HYAL1: variants seen among roughly 807,000 people sequenced by gnomAD.
The protein encoded by HYAL1 is hyaluronidase-1.
In HYAL1, 21 loss-of-function variants were observed where a neutral mutation model predicts 28.8. The ratio of observed to expected loss-of-function variants is 0.73; its 90% CI spans 0.52 to 1.05. HYAL1 has a LOEUF of 1.05. HYAL1 is among the 50% of genes least tolerant of loss of function. HYAL1 has a pLI of 0.00. For synonymous variants in HYAL1, 200 were observed against 230.1 expected, an observed-to-expected ratio of 0.87 and a Z score of 1.18; for missense variants, 491 against 579.2, an observed-to-expected ratio of 0.85 and a Z score of 1.56.
upstream of HYAL1, among the ~76,000 whole-genome samples, chr3:50,306,881 C>T (rs1702342311): frequency 6.9e-6 from 1 of 145,758 alleles, no homozygotes; most frequent in African/African-American, 2.5e-5. Flanking sequence ...AGCAAGACTC[C>T]ATCTCAACAA....
At chr3:50,311,347 G>A (rs587728770) in intron 1 of HYAL1, among the ~76,000 whole-genome samples, 14 of 131,592 alleles carry the variant, frequency 1.1e-4, no homozygotes, top group Admixed American at 2.9e-4. Flanking sequence ...CGGACGGGGC[G>A]GCTGGCCGGG....
chr3:50,302,120 G>A lies in HYAL1; in HGVS notation c.837C>T (p.Pro279=), dbSNP rs2109306714. ...AFRVAVAAGD[P]NLPVLPYVQI... is the part of the protein sequence containing the mutation. ...GGACATAGGGCAGCACCGGCAGATTGGGGTCACCAGCAGCCACAGCCACAC... is the reference window on the plus strand; with the variant it reads ...GGACATAGGGCAGCACCGGCAGATTAGGGTCACCAGCAGCCACAGCCACAC... The change falls in exon 2 of 4, where the codon CCC becomes CCT. Residue 279 remains proline (P), a synonymous_variant. Transcript: ENST00000395144. This position sits in a 1 kb window ranked among gnomAD's most constrained non-coding sequence, Gnocchi z 5.0. 3 of 1,614,186 alleles carry A rather than the reference G, an allele frequency of 1.9e-6. No homozygotes were observed. Among genetic ancestry groups the A allele is most frequent in the Middle Eastern group, 1.6e-4 (1 of 6,062 alleles).
chr3:50,312,090 C>A (rs868982369), intron 1 of HYAL1, among the ~76,000 whole-genome samples: 19 of 133,184 alleles, frequency 1.4e-4, no homozygotes, highest in African/African-American at 3.5e-4. Context: ...ACCTCCCTCC[C>A]GGACGGGGCG....
chr3:50,308,912 G>A (rs1702393081), intron 2 of HYAL1, among the ~76,000 whole-genome samples: 3 of 144,958 alleles, frequency 2.1e-5, no homozygotes, highest in Admixed American at 6.9e-5. Flanking sequence ...TGTATTTTTA[G>A]TAGAGACAGA....
At chr3:50,303,223 T>G in intron 1 of HYAL1, 2 of 396,124 alleles carry the variant, frequency 5.0e-6, no homozygotes, top group Non-Finnish European at 4.5e-6. Flanking sequence ...TGCTCTAGCC[T>G]AAGCTCGCCC....
At position 50,300,987 on chromosome 3, in the gene HYAL1, C is replaced by A; in HGVS notation, c.990+1G>T. Reference sequence around the variant, plus strand: ...CACCCTCATGCCAGGCCTAAGCTCACCTTGGTTCTTGTATTTTCCCAGCTC... The same window carrying A: ...CACCCTCATGCCAGGCCTAAGCTCAACTTGGTTCTTGTATTTTCCCAGCTC... On this transcript the variant is annotated splice_donor_variant, in intron 3 of 3. Coordinates refer to ENST00000395144, the MANE Select transcript of HYAL1 (RefSeq NM_033159.4). LOFTEE classifies it high-confidence loss of function. 6.9e-7 allele frequency: 1 copy of A among 1,459,070 alleles called. No homozygotes were observed. Among genetic ancestry groups the A allele is most frequent in the Non-Finnish European group, 9.4e-7 (1 of 1,061,662 alleles). The allele number at this position is 1,459,070 out of a possible 1,614,324, so 90.4% of individuals were successfully genotyped here. A position where few individuals can be genotyped will look rare whatever the true frequency, so the allele number is the denominator to read the frequency against.
chr3:50,304,274 CAA>C (rs1156334129), upstream of HYAL1, among the ~76,000 whole-genome samples: 6 of 2,892 alleles, frequency 2.1e-3, no homozygotes, highest in African/African-American at 3.6e-3. Context: ...GACTCCATCT[CAA>C]AAAAAAAAAA....
At position 50,302,432 on chromosome 3, in the gene HYAL1, G is replaced by C; in HGVS notation, c.525C>G (p.Phe175Leu). The change falls in exon 2 of 4, where the codon TTC becomes TTG. Residue 175 changes from phenylalanine (F) to leucine (L), a missense_variant. Phe to Leu is a conservative substitution (Grantham distance 22). Coordinates refer to ENST00000395144, the MANE Select transcript of HYAL1 (RefSeq NM_033159.4). The surrounding 1 kb of genome is among the most constrained non-coding windows in gnomAD (Gnocchi z 5.0). ...PQVEAVAQDQ[F>L]QGAARAWMAG... The stretch of plus-strand genomic sequence containing the variant: ...CCATCCAGGCCCGTGCAGCTCCCTG[G>C]AACTGGTCCTGGGCTACTGCCTCCA... 1 of 1,613,962 alleles carries C rather than the reference G, an allele frequency of 6.2e-7. No homozygotes were observed. The highest frequency in any genetic ancestry group is 8.5e-7 in the Non-Finnish European group (1 of 1,179,928).
At chr3:50,300,939 T>TGGGGGGGGGGGGGGGGGGGGGGGGGGGG in intron 3 of HYAL1, 49 bp downstream of exon 3, 6 of 959,362 alleles carry the variant, frequency 6.3e-6, no homozygotes, top group South Asian at 2.7e-5. Context: ...GTCAGCTTAA[T>TGGGGGGGGGGGGGGGGGGGGGGGGGGGG]GGCCCCACCC....
upstream of HYAL1, among the ~76,000 whole-genome samples, chr3:50,306,296 G>A (rs1252788909): frequency 7.2e-6 from 1 of 139,804 alleles, no homozygotes; most frequent in Non-Finnish European, 1.5e-5. Flanking sequence ...CCATGACGAT[G>A]GAAGGCAGGT....
At chr3:50,300,939 T>TGGGGGGGGGGGGGGGGGGGGGGGGG in intron 3 of HYAL1, 49 bp downstream of exon 3, 14 of 959,350 alleles carry the variant, frequency 1.5e-5, no homozygotes, top group Non-Finnish European at 2.2e-5. Context: ...GTCAGCTTAA[T>TGGGGGGGGGGGGGGGGGGGGGGGGG]GGCCCCACCC....
chr3:50,302,901 G>GCCATAT lies in HYAL1; in HGVS notation c.50_55dup (p.Asp17_Met18dup), dbSNP rs782180818. On this transcript the variant is annotated inframe_insertion, in exon 2 of 4. Coordinates refer to ENST00000395144, the MANE Select transcript of HYAL1 (RefSeq NM_033159.4). The surrounding 1 kb of genome is among the most constrained non-coding windows in gnomAD (Gnocchi z 5.0). ...TAGCAAGGGGCCCCTAAAGCCTTGG[G>GCCATAT]CCATATCGAGTAAGGTCAGGAAGAG... The GCCATAT allele has an allele frequency of 6.2e-7, 1 of 1,607,286 alleles. No individual in the cohort carries two copies. The highest frequency in any genetic ancestry group is 1.1e-5 in the South Asian group (1 of 90,684).
intron 1 of HYAL1, among the ~76,000 whole-genome samples, chr3:50,310,265 GTTTT>G (rs1284186892): frequency 8.0e-6 from 1 of 124,712 alleles, no homozygotes; most frequent in Non-Finnish European, 1.7e-5. Flanking sequence ...TAAGCTGTGT[GTTTT>G]TTTTTTTTTT....
At chr3:50,310,853 C>G (rs1248354166) in intron 1 of HYAL1, among the ~76,000 whole-genome samples, 1 of 150,944 alleles carries the variant, frequency 6.6e-6, no homozygotes, top group Non-Finnish European at 1.5e-5. Context: ...ACATCTTGCA[C>G]CGCCCTTAAT....
chr3:50,307,588 G>C (rs762577833), upstream of HYAL1, among the ~76,000 whole-genome samples: 1 of 137,170 alleles, frequency 7.3e-6, no homozygotes, highest in Non-Finnish European at 1.5e-5. Context: ...GGCTGAGGCA[G>C]GAGAATGGCG....
At chr3:50,303,008 A>G (rs1553713502) in intron 1 of HYAL1, 28 bp from the exon 2 acceptor site, 1 of 1,503,006 alleles carries the variant, frequency 6.7e-7, no homozygotes, top group South Asian at 1.3e-5. Context: ...AGCTGAGAAC[A>G]GGTTGCAAAG....
At chr3:50,311,704 A>T (rs375781823) in intron 1 of HYAL1, among the ~76,000 whole-genome samples, 6,819 of 113,456 alleles carry the variant, frequency 0.06, 938 homozygotes, top group East Asian at 0.54. Context: ...ACGGGGCGGC[A>T]GGCCGGGCGT....
At position 50,301,045 on chromosome 3, in the gene HYAL1, C is replaced by G. The variant is rs200373793; in HGVS notation, c.933G>C (p.Ala311=). Residue 311 remains alanine (A), a synonymous_variant, in exon 3 of 4, where the codon GCG becomes GCC. Coordinates refer to ENST00000395144, the MANE Select transcript of HYAL1 (RefSeq NM_033159.4). ...DELEHSLGES[A]AQGAAGVVLW... ...GCACCACTCCAGCTGCCCCCTGGGC[C>G]GCACTCTCCCCCAGGCTGTGCTCCA... 5.6e-6 allele frequency: 9 copies of G among 1,612,992 alleles called. No individual in the cohort carries two copies. The highest frequency in any genetic ancestry group is 1.1e-5 in the South Asian group (1 of 91,016).
At position 50,302,550 on chromosome 3, in the gene HYAL1, C is replaced by T. The variant is rs376279134; in HGVS notation, c.407G>A (p.Arg136His). 19 of 1,614,168 alleles carry T rather than the reference C, an allele frequency of 1.2e-5. No individual in the cohort carries two copies. Among genetic ancestry groups the T allele is most frequent in the South Asian group, 2.2e-5 (2 of 91,086 alleles). Reference protein sequence around the residue: ...AVIDWEAWRPRWAFNWDTKDI... With the variant: ...AVIDWEAWRPHWAFNWDTKDI... ...CTTGGTGTCCCAGTTGAAGGCCCAGCGTGGGCGCCATGCCTCCCAGTCGAT... is the reference window on the plus strand; with the variant it reads ...CTTGGTGTCCCAGTTGAAGGCCCAGTGTGGGCGCCATGCCTCCCAGTCGAT... The change falls in exon 2 of 4, where the codon CGC becomes CAC. Residue 136 changes from arginine (R) to histidine (H), a missense_variant. By Grantham distance (29) the Arg-to-His change is conservative. Transcript: ENST00000395144. The surrounding 1 kb of genome is among the most constrained non-coding windows in gnomAD (Gnocchi z 5.0).
Sources: allele counts gnomAD v4.1 joint callset (sites outside exome capture counted in the v4.1 genomes callset), GRCh38; gene constraint gnomAD v4.1.1; non-coding constraint Gnocchi (gnomAD v3.1); transcripts MANE v1.5; gene names NCBI Gene and HGNC (gene_info 2026-07-23, HGNC 2026-07-21).